PCDH11X: variants seen among roughly 807,000 people sequenced by gnomAD.
PCDH11X encodes the protein protocadherin-11 X-linked.
Under a neutral mutation model 53.3 loss-of-function variants are expected in PCDH11X, and 18 were observed. The observed-to-expected ratio is 0.34, with a 90% CI of 0.23 to 0.50. The LOEUF is 0.50. Ranked by LOEUF, PCDH11X falls within the 20% of genes least tolerant of loss-of-function variation. The probability of loss-of-function intolerance (pLI) is 0.98; values close to 1 mark genes in which losing one functional copy is unlikely to be tolerated. For missense variants in PCDH11X, 570 were observed against 1,032.4 expected (o/e 0.55, Z 6.14); for synonymous variants, 279 against 393.3 (o/e 0.71, Z 3.44).
At chrX:92,231,345 AT>A (rs2067072536) in intron 7 of PCDH11X, among the ~76,000 whole-genome samples, 1 of 111,615 alleles carries the variant, frequency 9.0e-6, no homozygotes, top group Non-Finnish European at 1.9e-5. Flanking sequence ...AAATTTTGTA[AT>A]TTTTATATGC....
In PCDH11X at chrX:91,955,985, T is replaced by G. The variant is rs774266858; in HGVS notation, c.3033+76712T>G. On this transcript the variant is annotated intron_variant, in intron 6 of 10. Transcript: ENST00000682573. ...ATATTTAGGATAGTTAGCTTTTGAA[T>G]TGAAACTTTTACCATTATGTAATGC... 1.4e-4 allele frequency among the ~76,000 whole-genome samples: 15 copies of G among 110,040 alleles called. No homozygotes were observed. In the East Asian group the frequency reaches 4.3e-3, roughly 31 times the overall value.
intron 6 of PCDH11X, among the ~76,000 whole-genome samples, chrX:92,062,346 G>A (rs2063535260): frequency 1.8e-5 from 2 of 110,670 alleles, no homozygotes; most frequent in African/African-American, 6.6e-5. Context: ...TTATTCCTAG[G>A]ACTTCCAGTA....
rs1435078531 is a variant in PCDH11X, at chrX:91,829,919, TA to T, written c.-44-5541del. Among the ~76,000 whole-genome samples, 5 of 110,622 alleles carry T rather than the reference TA, an allele frequency of 4.5e-5. No homozygotes were observed. In the East Asian group the frequency reaches 1.4e-3, roughly 31 times the overall value. On this transcript the variant is annotated intron_variant, in intron 4 of 10. Coordinates refer to ENST00000682573, the MANE Select transcript of PCDH11X (RefSeq NM_032968.5). ...GGACTTATTTATTATGATAATCTGG[TA>T]CTTGTTGACAAAGTACAGTAAAATA...
intron 7 of PCDH11X, among the ~76,000 whole-genome samples, chrX:92,216,489 G>T (rs1331333510): frequency 9.5e-6 from 1 of 105,502 alleles, no homozygotes; most frequent in African/African-American, 3.5e-5. Flanking sequence ...AAGTGAGAAG[G>T]GAAGTTTAGA....
chrX:92,619,388 T>C lies in PCDH11X; in HGVS notation c.*448T>C. ...AGATAACGTTAAAAGGTATACGTAC[T>C]CTAGCCTTTTTTTGGGCTTTCTTTT... On this transcript the variant is annotated 3_prime_UTR_variant, in exon 11 of 11. Coordinates refer to ENST00000682573, the MANE Select transcript of PCDH11X (RefSeq NM_032968.5). The C allele has an allele frequency of 7.0e-6, 1 of 142,883 alleles. No homozygotes were observed. Among genetic ancestry groups the C allele is most frequent in the Admixed American group, 7.6e-5 (1 of 13,122 alleles). The allele number at this position is 142,883 out of a possible 1,213,427, so 11.8% of individuals were successfully genotyped here.
At chrX:92,409,130 T>C (rs1298449320) in intron 9 of PCDH11X, among the ~76,000 whole-genome samples, 246 of 105,068 alleles carry the variant, frequency 2.3e-3, no homozygotes, top group Admixed American at 4.6e-3. Flanking sequence ...TGGTGGAATT[T>C]ATTTTGCTAG....
At chrX:92,219,572 T>A (rs1433668295) in intron 7 of PCDH11X, among the ~76,000 whole-genome samples, 1 of 105,287 alleles carries the variant, frequency 9.5e-6, no homozygotes, top group Admixed American at 1.0e-4. Context: ...GGAAGAACAT[T>A]CCATGCTCAT....
At chrX:92,323,477 G>A (rs1050379200) in intron 8 of PCDH11X, among the ~76,000 whole-genome samples, 1 of 110,277 alleles carries the variant, frequency 9.1e-6, no homozygotes, top group African/African-American at 3.3e-5. Context: ...GTGACTTGGT[G>A]AGCCCGTGTA....
At chrX:92,062,204 T>A (rs1329087161) in intron 6 of PCDH11X, among the ~76,000 whole-genome samples, 1 of 111,592 alleles carries the variant, frequency 9.0e-6, no homozygotes, top group Non-Finnish European at 1.9e-5. Flanking sequence ...TTATCAGATC[T>A]AGGAGCTTTG....
At chrX:92,493,478 T>G (rs1469133026) in intron 10 of PCDH11X, among the ~76,000 whole-genome samples, 2 of 109,777 alleles carry the variant, frequency 1.8e-5, no homozygotes, top group Admixed American at 9.8e-5. Flanking sequence ...ACATCTTTTT[T>G]TTTTGGCCTC....
At chrX:92,214,442 C>A (rs373566372) in intron 7 of PCDH11X, among the ~76,000 whole-genome samples, 2 of 111,884 alleles carry the variant, frequency 1.8e-5, no homozygotes, top group East Asian at 2.8e-4. Context: ...TGTACACAGA[C>A]CCTGAGACAA....
At chrX:91,785,096 A>G (rs1046400070) in intron 1 of PCDH11X, among the ~76,000 whole-genome samples, 1 of 104,511 alleles carries the variant, frequency 9.6e-6, no homozygotes, top group Non-Finnish European at 2.0e-5. Flanking sequence ...TGAAGTTCTC[A>G]CTGACACACT....
chrX:91,948,698 T>G (rs3878822), intron 6 of PCDH11X, among the ~76,000 whole-genome samples: 39,282 of 107,756 alleles, frequency 0.36, 5,832 homozygotes, highest in East Asian at 0.6. Context: ...ATGGGAACTT[T>G]CGGTGCAGTG....
intron 6 of PCDH11X, among the ~76,000 whole-genome samples, chrX:92,033,801 C>T (rs1386604133): frequency 1.8e-5 from 2 of 109,164 alleles, no homozygotes; most frequent in Admixed American, 9.8e-5. Flanking sequence ...GTTTGGTTTG[C>T]TCTTGTTTTT....
rs1444176187 is a variant in PCDH11X at position 92,398,886 on chromosome X, T to C, written c.3343+10953T>C. Among the ~76,000 whole-genome samples the C allele has an allele frequency of 1.4e-4, 16 of 110,596 alleles. 1 individual carries two copies. The Admixed American group carries it at 1.6e-3, about 11-fold the overall frequency. ...ATGTATTTGTCTGCATATATACATATATTTACAGCATTTAAAAATATTTTA... is the reference window on the plus strand; with the variant it reads ...ATGTATTTGTCTGCATATATACATACATTTACAGCATTTAAAAATATTTTA... On this transcript the variant is annotated intron_variant, in intron 9 of 10. Transcript: ENST00000682573.
At chrX:92,187,553 G>A (rs971607030) in intron 6 of PCDH11X, among the ~76,000 whole-genome samples, 1 of 111,497 alleles carries the variant, frequency 9.0e-6, no homozygotes, top group Non-Finnish European at 1.9e-5. Context: ...GGTAGGGAGA[G>A]GAATCTGTGT....
At chrX:92,454,487 G>A (rs939302276) in intron 9 of PCDH11X, among the ~76,000 whole-genome samples, 3 of 109,346 alleles carry the variant, frequency 2.7e-5, no homozygotes, top group Non-Finnish European at 5.7e-5. Flanking sequence ...ACACAAACAG[G>A]CATAGTTAGC....
intron 6 of PCDH11X, among the ~76,000 whole-genome samples, chrX:92,138,649 C>A (rs183925073): frequency 0.04 from 4,374 of 110,274 alleles, 210 homozygotes; most frequent in African/African-American, 0.14. Context: ...TTCTTATATT[C>A]GTCTTGACTT....
At chrX:92,558,570 T>C (rs773213208) in intron 10 of PCDH11X, among the ~76,000 whole-genome samples, 2 of 111,271 alleles carry the variant, frequency 1.8e-5, no homozygotes, top group African/African-American at 6.5e-5. Flanking sequence ...TTATGAGTGA[T>C]TTGTCATGCT....
Sources: allele counts gnomAD v4.1 joint callset (sites outside exome capture counted in the v4.1 genomes callset), GRCh38; gene constraint gnomAD v4.1.1; transcripts MANE v1.5; gene names NCBI Gene and HGNC (gene_info 2026-07-23, HGNC 2026-07-21).